Variants in L3MBTL4 observed in about 807,000 individuals in gnomAD.
L3MBTL4 encodes the protein L3MBTL histone methyl-lysine binding protein 4.
Under a neutral mutation model 84.5 loss-of-function variants are expected in L3MBTL4, and 70 were observed. The ratio of observed to expected loss-of-function variants is 0.83; its 90% confidence interval spans 0.68 to 1.01. L3MBTL4 has a LOEUF of 1.01. L3MBTL4 is among the 50% of genes least tolerant of loss of function. The pLI is 0.00. For missense variants in L3MBTL4, 715 were observed against 754.8 expected, an observed-to-expected ratio of 0.95 and a Z score of 0.62; for synonymous variants, 274 against 259.8, an observed-to-expected ratio of 1.05 and a Z score of -0.52.
intron 16 of L3MBTL4, among the ~76,000 whole-genome samples, chr18:6,021,342 G>C (rs2055245484): frequency 6.6e-6 from 1 of 152,110 alleles, no homozygotes; most frequent in Admixed American, 6.5e-5. Context: ...CCTTTTTCAG[G>C]GTATTTCCAT....
rs142342368 is a variant in L3MBTL4 at position 6,285,697 on chromosome 18, T to C, written c.127+16206A>G. The stretch of plus-strand genomic sequence containing the variant: ...GAGGCCAGTTTTACCTGATGGATAC[T>C]GAAGCAAGCTGCTGTGACTCTAAGA... On this transcript the variant is annotated intron_variant, in intron 4 of 18. Coordinates refer to ENST00000317931, the MANE Select transcript of L3MBTL4 (RefSeq NM_001330559.2). Among the ~76,000 whole-genome samples, 877 of 152,168 alleles carry C rather than the reference T, an allele frequency of 5.8e-3. 14 individuals are homozygous for C. The highest frequency in any genetic ancestry group is 0.02 in the African/African-American group (848 of 41,518).
intron 5 of L3MBTL4, among the ~76,000 whole-genome samples, chr18:6,247,534 A>AATG (rs1371515677): frequency 7.3e-6 from 1 of 136,998 alleles, no homozygotes; most frequent in Non-Finnish European, 1.5e-5. Flanking sequence ...GCTGGAGCGC[A>AATG]ATGGTGCCAT....
chr18:6,095,558 G>C (rs776860962), intron 14 of L3MBTL4, among the ~76,000 whole-genome samples: 1 of 152,074 alleles, frequency 6.6e-6, no homozygotes, highest in Non-Finnish European at 1.5e-5. Flanking sequence ...CAACGTGTTA[G>C]CCAGGACGGT....
chr18:5,987,468 G>C (rs1456920751), intron 16 of L3MBTL4, among the ~76,000 whole-genome samples: 5 of 152,182 alleles, frequency 3.3e-5, no homozygotes, highest in African/African-American at 9.7e-5. Context: ...CACTCAACAG[G>C]AGCCAGCTAT....
At chr18:6,120,698 T>G (rs2059495506) in intron 14 of L3MBTL4, among the ~76,000 whole-genome samples, 1 of 152,174 alleles carries the variant, frequency 6.6e-6, no homozygotes, top group Admixed American at 6.5e-5. Flanking sequence ...TTTCCTGCTT[T>G]TGTACCTTAT....
At chr18:6,030,709 T>G (rs1465575574) in intron 16 of L3MBTL4, 5 of 974,544 alleles carry the variant, frequency 5.1e-6, no homozygotes, top group African/African-American at 1.8e-5. Flanking sequence ...TTCTTTGTAT[T>G]TAGTTTAATG....
chr18:6,106,882 A>G (rs2059026159), intron 14 of L3MBTL4, among the ~76,000 whole-genome samples: 1 of 152,224 alleles, frequency 6.6e-6, no homozygotes, highest in Admixed American at 6.5e-5. Flanking sequence ...ACAGCCCTGG[A>G]CTAGGGATGT....
At chr18:6,018,791 G>C (rs1361698064) in intron 16 of L3MBTL4, among the ~76,000 whole-genome samples, 2 of 152,164 alleles carry the variant, frequency 1.3e-5, no homozygotes, top group Non-Finnish European at 2.9e-5. Context: ...TTAAGGTCTG[G>C]AAGCAATCAG....
chr18:6,143,777 G>C (rs932238131), intron 13 of L3MBTL4, among the ~76,000 whole-genome samples: 5 of 152,086 alleles, frequency 3.3e-5, no homozygotes, highest in Non-Finnish European at 7.4e-5. Context: ...CCCTTCACTA[G>C]AGTGAGGACA....
chr18:6,200,590 T>C (rs1355382557), intron 12 of L3MBTL4, among the ~76,000 whole-genome samples: 1 of 152,254 alleles, frequency 6.6e-6, no homozygotes, highest in Non-Finnish European at 1.5e-5. Context: ...CCACTGTTTG[T>C]CATATGTTAT....
chr18:6,099,641 G>C (rs768628883), intron 14 of L3MBTL4, among the ~76,000 whole-genome samples: 1 of 112,884 alleles, frequency 8.9e-6, no homozygotes, highest in Non-Finnish European at 2.0e-5. Context: ...AGGTCTCAAG[G>C]TCAATTTTCT....
chr18:6,258,167 T>C (rs182968565), intron 5 of L3MBTL4, among the ~76,000 whole-genome samples: 321 of 152,242 alleles, frequency 2.1e-3, no homozygotes, highest in African/African-American at 7.4e-3. Flanking sequence ...TCTCACCACA[T>C]GCAGTAAGGG....
rs1489936827 is a variant in L3MBTL4 at position 6,028,023 on chromosome 18, A to G, written c.1444+52858T>C. The stretch of plus-strand genomic sequence containing the variant: ...CTGATGATAATTTCTTGCATTGTGC[A>G]GAAGCTCTTTTGTTTGACTAGATCC... On this transcript the variant is annotated intron_variant, in intron 16 of 18. Coordinates refer to ENST00000317931, the MANE Select transcript of L3MBTL4 (RefSeq NM_001330559.2). Among the ~76,000 whole-genome samples the G allele has an allele frequency of 2.6e-5, 4 of 152,192 alleles. No homozygotes were observed. The East Asian group carries it at 7.7e-4, about 29-fold the overall frequency.
Position 6,213,401 on chromosome 18 carries a change from T to TTTTTTG in L3MBTL4, c.871-148_871-143dup, listed in dbSNP as rs566073115. On this transcript the variant is annotated intron_variant, in intron 11 of 18. Transcript: ENST00000317931. ...TGGAATTTAGTGTTTTTTGTTTTGC[T>TTTTTTG]TTTTTGTTTTTGTTTTTGTTTGTTT... The TTTTTTG allele has an allele frequency of 2.6e-3, 1,489 of 571,788 alleles. 2 individuals carry two copies. The highest frequency in any genetic ancestry group is 8.5e-3 in the Middle Eastern group (25 of 2,934). 35.4% of individuals were successfully genotyped at this position (571,788 alleles called of 1,614,324 possible).
At chr18:6,185,226 C>T (rs570611971) in intron 12 of L3MBTL4, among the ~76,000 whole-genome samples, 7 of 152,250 alleles carry the variant, frequency 4.6e-5, no homozygotes, top group East Asian at 3.9e-4. Context: ...AGAGGGAAGG[C>T]GGAGCCAGGG....
At position 5,955,219 on chromosome 18, in the gene L3MBTL4, A is replaced by G. The variant is rs1042861102; in HGVS notation, c.*1001T>C. On this transcript the variant is annotated 3_prime_UTR_variant, in exon 19 of 19. Coordinates refer to ENST00000317931, the MANE Select transcript of L3MBTL4 (RefSeq NM_001330559.2). ...TACAAAAAACAAATAAGGCCTGACA[A>G]CAAATCGGAATGTTTCAAACAAAGA... is the stretch of plus-strand genomic sequence containing the variant. 1 of 152,260 alleles carries G rather than the reference A, an allele frequency of 6.6e-6. No homozygotes were observed. Among genetic ancestry groups the G allele is most frequent in the African/African-American group, 2.4e-5 (1 of 41,460 alleles). The allele number at this position is 152,260 out of a possible 1,614,324, so 9.4% of individuals were successfully genotyped here.
At position 5,992,643 on chromosome 18, in the gene L3MBTL4, G is replaced by A. The variant is rs117737916; in HGVS notation, c.1445-23081C>T. Among the ~76,000 whole-genome samples, 147 of 152,252 alleles carry A rather than the reference G, an allele frequency of 9.7e-4. 1 individual carries two copies. In the East Asian group the frequency reaches 0.025, roughly 26 times the overall value. On this transcript the variant is annotated intron_variant, in intron 16 of 18. Coordinates refer to ENST00000317931, the MANE Select transcript of L3MBTL4 (RefSeq NM_001330559.2). ...CATGAGCGGCTTGGGCCATCCCCTTGGTGATAAGTGAGCTCTCACTCTGAG... is the reference window on the plus strand; with the variant it reads ...CATGAGCGGCTTGGGCCATCCCCTTAGTGATAAGTGAGCTCTCACTCTGAG...
chr18:6,020,412 A>C (rs969283687), intron 16 of L3MBTL4, among the ~76,000 whole-genome samples: 1 of 152,148 alleles, frequency 6.6e-6, no homozygotes, highest in African/African-American at 2.4e-5. Context: ...GTGAGCAAGG[A>C]CCAGGTCATG....
chr18:6,226,545 A>T (rs2046791536), intron 10 of L3MBTL4, among the ~76,000 whole-genome samples: 1 of 152,222 alleles, frequency 6.6e-6, no homozygotes, highest in South Asian at 2.1e-4. Flanking sequence ...TTATTTGCTC[A>T]TTTTATAAGA....
Sources: allele counts gnomAD v4.1 joint callset (sites outside exome capture counted in the v4.1 genomes callset), GRCh38; gene constraint gnomAD v4.1.1; transcripts MANE v1.5; gene names NCBI Gene and HGNC (gene_info 2026-07-23, HGNC 2026-07-21).